The following KCNT2 variants were observed in gnomAD, a reference collection of about 807,000 sequenced individuals.
KCNT2 encodes potassium channel subfamily T member 2.
Under a neutral mutation model 153.8 loss-of-function variants are expected in KCNT2, and 67 were observed. The ratio of observed to expected loss-of-function variants is 0.44; its 90% CI spans 0.36 to 0.53. The LOEUF (loss-of-function observed/expected upper bound fraction) is 0.53, where lower values mean the gene tolerates loss of function less well. KCNT2 is among the 20% of genes least tolerant of loss of function. KCNT2 has a pLI of 0.00. For missense variants in KCNT2, 975 were observed against 1,354.8 expected, an observed-to-expected ratio of 0.72 and a Z score of 4.40; for synonymous variants, 500 against 458.8, an observed-to-expected ratio of 1.09 and a Z score of -1.15.
At chr1:196,286,706 T>C (rs751902681) in intron 22 of KCNT2, among the ~76,000 whole-genome samples, 5 of 151,606 alleles carry the variant, frequency 3.3e-5, no homozygotes, top group African/African-American at 1.2e-4. Flanking sequence ...TGGGGGGTGA[T>C]ATGGTGTATG....
chr1:196,227,498 T>G lies in KCNT2; in HGVS notation c.*726A>C, dbSNP rs1470628487. ...GTTTAGGAGAATAATAGATATTTGCTTTATAGTATGCTTTTCTTGGCATAA... is the reference window on the plus strand; with the variant it reads ...GTTTAGGAGAATAATAGATATTTGCGTTATAGTATGCTTTTCTTGGCATAA... On this transcript the variant is annotated 3_prime_UTR_variant, in exon 28 of 28. Coordinates refer to ENST00000294725, the MANE Select transcript of KCNT2 (RefSeq NM_198503.5). The G allele has an allele frequency of 6.6e-6, 1 of 152,106 alleles. No homozygotes were observed. Among genetic ancestry groups the G allele is most frequent in the Non-Finnish European group, 1.5e-5 (1 of 67,922 alleles). 9.4% of individuals were successfully genotyped at this position (152,106 alleles called of 1,614,324 possible).
At chr1:196,476,206 T>C (rs1287046294) in intron 5 of KCNT2, among the ~76,000 whole-genome samples, 2 of 152,186 alleles carry the variant, frequency 1.3e-5, no homozygotes, top group Non-Finnish European at 2.9e-5. Context: ...TGTTACAGTT[T>C]TGTATATATT....
intron 26 of KCNT2, among the ~76,000 whole-genome samples, chr1:196,251,413 T>C (rs894702081): frequency 2.0e-5 from 3 of 152,070 alleles, no homozygotes; most frequent in Non-Finnish European, 4.4e-5. Flanking sequence ...TTGTTTGTTT[T>C]TCTGAGCTGA....
rs760206396 is a variant in KCNT2 at position 196,228,299 on chromosome 1, T to G, written c.3333A>C (p.Pro1111=). The G allele has an allele frequency of 2.9e-5, 47 of 1,610,548 alleles. No individual in the cohort carries two copies. Among genetic ancestry groups the G allele is most frequent in the Admixed American group, 8.4e-5 (5 of 59,712 alleles). Residue 1111 remains proline (P), a synonymous_variant, in exon 28 of 28, where the codon CCA becomes CCC. Transcript: ENST00000294725. The part of the protein sequence containing the change: ...LIRPDPLAYL[P]NSEPSRRNSI... ...TGTTTCTTCGACTGGGCTCACTGTT[T>G]GGAAGGTAGGCCAGTGGATCTGGTC... is the stretch of plus-strand genomic sequence containing the variant.
intron 13 of KCNT2, among the ~76,000 whole-genome samples, chr1:196,379,031 T>C (rs1461997711): frequency 6.6e-6 from 1 of 151,832 alleles, no homozygotes; most frequent in Non-Finnish European, 1.5e-5. Context: ...CTTTTAGATA[T>C]GGCCACATTA....
chr1:196,550,279 T>A (rs984263548), intron 1 of KCNT2, among the ~76,000 whole-genome samples: 13 of 151,842 alleles, frequency 8.6e-5, no homozygotes, highest in Non-Finnish European at 1.8e-4. Context: ...GAAAAAAAAA[T>A]TTAAACCCAA....
At chr1:196,561,676 A>AAAAAAAAAAAAAAAAAC (rs1659425381) in intron 1 of KCNT2, among the ~76,000 whole-genome samples, 1 of 31,508 alleles carries the variant, frequency 3.2e-5, no homozygotes, top group Non-Finnish European at 1.5e-3. Flanking sequence ...AAAAAAAAAA[A>AAAAAAAAAAAAAAAAAC]AGAAGAAGAA....
intron 1 of KCNT2, among the ~76,000 whole-genome samples, chr1:196,581,487 G>A (rs1396156192): frequency 4.6e-5 from 7 of 151,762 alleles, no homozygotes; most frequent in Admixed American, 4.6e-4. Flanking sequence ...AATGCCACCG[G>A]GTGAATATTG....
At chr1:196,345,434 C>T (rs1015809645) in intron 14 of KCNT2, among the ~76,000 whole-genome samples, 2 of 152,002 alleles carry the variant, frequency 1.3e-5, no homozygotes, top group Non-Finnish European at 2.9e-5. Flanking sequence ...AGCAGGGAAG[C>T]CAGTTTAGCT....
intron 1 of KCNT2, among the ~76,000 whole-genome samples, chr1:196,542,505 A>T (rs1353590438): frequency 6.6e-6 from 1 of 152,148 alleles, no homozygotes; most frequent in Non-Finnish European, 1.5e-5. Context: ...GGAGGAAAAG[A>T]GATCACAGGA....
At chr1:196,562,174 C>T (rs183753432) in intron 1 of KCNT2, among the ~76,000 whole-genome samples, 4 of 152,040 alleles carry the variant, frequency 2.6e-5, no homozygotes, top group African/African-American at 7.2e-5. Context: ...GACAGCTTTT[C>T]AGGGCCATTT....
intron 17 of KCNT2, among the ~76,000 whole-genome samples, chr1:196,332,114 G>A (rs115125303): frequency 0.049 from 7,412 of 152,100 alleles, 281 homozygotes; most frequent in Non-Finnish European, 0.072. Flanking sequence ...TTCTGACCTA[G>A]TTAAAACTAT....
chr1:196,259,308 C>T (rs1398191282), intron 25 of KCNT2, among the ~76,000 whole-genome samples: 1 of 152,086 alleles, frequency 6.6e-6, no homozygotes, highest in Non-Finnish European at 1.5e-5. Context: ...AAGTAAGATG[C>T]TCTCCTTTGA....
intron 14 of KCNT2, among the ~76,000 whole-genome samples, chr1:196,364,670 C>T (rs1193753191): frequency 1.3e-5 from 2 of 152,034 alleles, no homozygotes; most frequent in African/African-American, 2.4e-5. Flanking sequence ...ATCTTGAAAG[C>T]TAAGCAAACA....
chr1:196,437,375 T>C (rs1388718104), intron 8 of KCNT2, among the ~76,000 whole-genome samples: 1 of 140,782 alleles, frequency 7.1e-6, no homozygotes, highest in Non-Finnish European at 1.5e-5. Context: ...TATATATATT[T>C]TTATTTATAT....
chr1:196,532,766 T>C (rs1017703284), intron 1 of KCNT2, among the ~76,000 whole-genome samples: 1 of 152,032 alleles, frequency 6.6e-6, no homozygotes, highest in Non-Finnish European at 1.5e-5. Context: ...TAATTGATAA[T>C]GTTCTACTTT....
intron 25 of KCNT2, among the ~76,000 whole-genome samples, chr1:196,269,077 C>T (rs1289360535): frequency 1.3e-5 from 2 of 152,066 alleles, no homozygotes; most frequent in African/African-American, 4.8e-5. Context: ...TAAACAATTA[C>T]ATAATAATTA....
chr1:196,353,665 A>T (rs1666940243), intron 14 of KCNT2, among the ~76,000 whole-genome samples: 1 of 152,028 alleles, frequency 6.6e-6, no homozygotes, highest in Admixed American at 6.6e-5. Context: ...TTTTCAAGGC[A>T]AATGGGTATT....
intron 18 of KCNT2, among the ~76,000 whole-genome samples, chr1:196,330,460 T>C (rs1664347843): frequency 6.6e-6 from 1 of 151,902 alleles, no homozygotes; most frequent in Non-Finnish European, 1.5e-5. Context: ...CAAAACTTAA[T>C]GTAAAAGAAA....
Sources: gnomAD v4.1 joint callset for allele counts (sites outside exome capture counted in the v4.1 genomes callset) on GRCh38, gnomAD v4.1.1 for gene constraint, MANE v1.5 for transcripts, NCBI Gene and HGNC (gene_info 2026-07-23, HGNC 2026-07-21) for gene names.